Variants in PER3 observed in about 807,000 individuals in gnomAD.
PER3 encodes the protein period circadian protein homolog 3.
Under a neutral mutation model 127.2 loss-of-function variants are expected in PER3, and 107 were observed. The observed-to-expected ratio is 0.84, with a 90% CI of 0.72 to 0.99. The LOEUF (loss-of-function observed/expected upper bound fraction) is 0.99, where lower values mean the gene tolerates loss of function less well. Among genes scored for constraint, PER3 ranks in the 50% least tolerant of loss-of-function variants. The pLI is 0.00. For synonymous variants in PER3, 618 were observed against 585.8 expected, an observed-to-expected ratio of 1.05 and a Z score of -0.79; for missense variants, 1,560 against 1,525.8, an observed-to-expected ratio of 1.02 and a Z score of -0.37.
chr1:7,842,993 C>T lies in PER3; in HGVS notation c.*238C>T. 2 of 284,618 alleles carry T rather than the reference C, an allele frequency of 7.0e-6. No individual in the cohort carries two copies. Among genetic ancestry groups the T allele is most frequent in the Middle Eastern group, 1.1e-3 (1 of 904 alleles). The allele number at this position is 284,618 out of a possible 1,614,324, so 17.6% of individuals were successfully genotyped here. Reference sequence around the variant, plus strand: ...GCTCTTTTTGTAGTTGAATTGTCTTCTAAAGAGATTGGATGGCCTCTAAAG... The same window carrying T: ...GCTCTTTTTGTAGTTGAATTGTCTTTTAAAGAGATTGGATGGCCTCTAAAG... On this transcript the variant is annotated 3_prime_UTR_variant, in exon 22 of 22. Transcript: ENST00000377532.
rs2097211613 is a variant in PER3 at position 7,809,895 on chromosome 1, A to G, written c.1245A>G (p.Pro415=). 6.2e-7 allele frequency: 1 copy of G among 1,613,762 alleles called. No individual in the cohort carries two copies. Among genetic ancestry groups the G allele is most frequent in the Non-Finnish European group, 8.5e-7 (1 of 1,179,924 alleles). Residue 415 remains proline (P), a splice_region_variant and synonymous_variant, in exon 12 of 22, where the codon CCA becomes CCG. Transcript: ENST00000377532. ...QEQIYKLLLQ[P]VHVSVSSGYG... Reference sequence around the variant, plus strand: ...CTTGTTCCTCTTTGTCCTTCCAGCCAGTTCACGTGAGCGTGTCCAGCGGCT... The same window carrying G: ...CTTGTTCCTCTTTGTCCTTCCAGCCGGTTCACGTGAGCGTGTCCAGCGGCT...
intron 13 of PER3, among the ~76,000 whole-genome samples, chr1:7,814,265 TA>T (rs1246220651): frequency 6.6e-6 from 1 of 152,078 alleles, no homozygotes; most frequent in African/African-American, 2.4e-5. Context: ...TCAAGTAAGT[TA>T]AATACAGAAC....
intron 11 of PER3, among the ~76,000 whole-genome samples, chr1:7,809,558 ATAGT>A (rs1428194567): frequency 2.0e-5 from 3 of 152,182 alleles, no homozygotes; most frequent in Non-Finnish European, 2.9e-5. Flanking sequence ...AGTATAATAT[ATAGT>A]TAGTTTGTTC....
chr1:7,789,145 A>G (rs552827788), intron 5 of PER3, among the ~76,000 whole-genome samples: 7 of 150,276 alleles, frequency 4.7e-5, no homozygotes, highest in East Asian at 1.9e-4. Flanking sequence ...TTTAAAATAT[A>G]TATATATATA....
chr1:7,806,152 G>A (rs1310590980), intron 10 of PER3, among the ~76,000 whole-genome samples: 1 of 152,152 alleles, frequency 6.6e-6, no homozygotes, highest in East Asian at 1.9e-4. Context: ...ACTAGAGTTT[G>A]GTAAGTGTGA....
chr1:7,794,266 G>A (rs1009503350), intron 6 of PER3, among the ~76,000 whole-genome samples: 3 of 152,102 alleles, frequency 2.0e-5, no homozygotes, highest in African/African-American at 4.8e-5. Context: ...AGGCGGAGGC[G>A]GGCGGATCAC....
In PER3 at chr1:7,786,814, C is replaced by T; in HGVS notation, c.368C>T (p.Ser123Leu). ...CTTGAGGAGCTGGCCACTATCGCTT[C>T]AGAACACACTTCCAAAAACACAGTA... ...YSLEELATIA[S>L]EHTSKNTDTF... Residue 123 changes from serine (S) to leucine (L), a missense_variant, in exon 4 of 22, where the codon TCA (serine) becomes TTA (leucine). Physicochemically the swap from Ser to Leu is moderately radical, Grantham distance 145. Around this residue, in one of 3 missense-constraint regions of PER3, gnomAD observed 1,332 missense variants for 1,223.6 expected, o/e 1.09. Transcript: ENST00000377532. The T allele has an allele frequency of 6.2e-7, 1 of 1,601,508 alleles. No individual in the cohort carries two copies. The highest frequency in any genetic ancestry group is 2.2e-5 in the East Asian group (1 of 44,828).
chr1:7,791,194 G>A (rs1035832063), intron 5 of PER3, among the ~76,000 whole-genome samples: 2 of 148,790 alleles, frequency 1.3e-5, no homozygotes, highest in African/African-American at 4.8e-5. Context: ...TGAGGGCTCC[G>A]CCCCTGTAGC....
intron 8 of PER3, among the ~76,000 whole-genome samples, chr1:7,801,742 G>A (rs2097171629): frequency 6.6e-6 from 1 of 152,174 alleles, no homozygotes; most frequent in African/African-American, 2.4e-5. Context: ...GTGATAGTAG[G>A]TAGTAGTTAT....
Position 7,820,211 on chromosome 1 carries a change from C to G in PER3, c.1755C>G (p.His585Gln), listed in dbSNP as rs1165903122. The G allele has an allele frequency of 6.2e-7, 1 of 1,613,882 alleles. No individual in the cohort carries two copies. The highest frequency in any genetic ancestry group is 8.5e-7 in the Non-Finnish European group (1 of 1,179,798). ...SSSSEEDKQN[H>Q]KADDVQALQA... ...CCTCAGAAGAAGACAAACAGAACCACAAGGCAGATGATGTCCAAGCCTTAC... is the reference window on the plus strand; with the variant it reads ...CCTCAGAAGAAGACAAACAGAACCAGAAGGCAGATGATGTCCAAGCCTTAC... The change falls in exon 15 of 22, where the codon CAC becomes CAG. Residue 585 changes from histidine to glutamine, a missense_variant. Coordinates refer to ENST00000377532, the MANE Select transcript of PER3 (RefSeq NM_001377275.1).
chr1:7,841,072 T>C (rs1342140193), intron 21 of PER3, among the ~76,000 whole-genome samples: 1 of 152,224 alleles, frequency 6.6e-6, no homozygotes, highest in African/African-American at 2.4e-5. Context: ...AGAAGAAGAA[T>C]TGTCTTGGGC....
intron 9 of PER3, 86 bp from the exon 10 acceptor site, chr1:7,803,606 A>G (rs1466351015): frequency 9.1e-6 from 8 of 879,054 alleles, no homozygotes; most frequent in South Asian, 1.8e-5. Context: ...CCACTAAAAC[A>G]TTTACAAATA....
Position 7,842,785 on chromosome 1 carries a change from T to C in PER3, c.*30T>C. The C allele has an allele frequency of 6.2e-7, 1 of 1,600,210 alleles. No homozygotes were observed. The highest frequency in any genetic ancestry group is 8.5e-7 in the Non-Finnish European group (1 of 1,169,596). On this transcript the variant is annotated 3_prime_UTR_variant, in exon 22 of 22. Coordinates refer to ENST00000377532, the MANE Select transcript of PER3 (RefSeq NM_001377275.1). ...CTGTGAGGATGAACCTTCATACCCT[T>C]TCCAAGACGTGTTACACAGACAGAC...
At position 7,809,931 on chromosome 1, in the gene PER3, G is replaced by GGGGAGCAGCGGGTCGC; in HGVS notation, c.1282_1297dup (p.Gln433ArgfsTer17). On this transcript the variant is annotated frameshift_variant, in exon 12 of 22. Transcript: ENST00000377532. LOFTEE classifies it high-confidence loss of function. ...GCGTGTCCAGCGGCTACGGGAGCCT[G>GGGGAGCAGCGGGTCGC]GGGAGCAGCGGGTCGCAGGAGCAGC... The GGGGAGCAGCGGGTCGC allele has an allele frequency of 6.2e-7, 1 of 1,614,028 alleles. No individual in the cohort carries two copies. Among genetic ancestry groups the GGGGAGCAGCGGGTCGC allele is most frequent in the Non-Finnish European group, 8.5e-7 (1 of 1,179,930 alleles).
At position 7,786,328 on chromosome 1, in the gene PER3, A is replaced by G. The variant is rs952726274; in HGVS notation, c.275-393A>G. Among the ~76,000 whole-genome samples, 4 of 152,330 alleles carry G rather than the reference A, an allele frequency of 2.6e-5. No homozygotes were observed. The East Asian group carries it at 7.7e-4, about 29-fold the overall frequency. On this transcript the variant is annotated intron_variant, in intron 3 of 21. Coordinates refer to ENST00000377532, the MANE Select transcript of PER3 (RefSeq NM_001377275.1). The stretch of plus-strand genomic sequence containing the variant: ...CCAAACTAAAAATGAACCATTGTAA[A>G]CACTTTTTCTCTCTGACATTTCCAG...
In PER3 at chr1:7,788,077, T is replaced by G; in HGVS notation, c.423T>G (p.Ser141=). 1 of 1,613,646 alleles carries G rather than the reference T, an allele frequency of 6.2e-7. No homozygotes were observed. Among genetic ancestry groups the G allele is most frequent in the Non-Finnish European group, 8.5e-7 (1 of 1,179,530 alleles). Reference sequence around the variant, plus strand: ...TTGTGGCAGTATTTTCATTTCTGTCTGGAAGGTTAGTGCACATTTCTGAAC... The same window carrying G: ...TTGTGGCAGTATTTTCATTTCTGTCGGGAAGGTTAGTGCACATTTCTGAAC... ...DTFVAVFSFL[S]GRLVHISEQA... Residue 141 remains serine (S), a synonymous_variant, in exon 5 of 22, where the codon TCT becomes TCG. Coordinates refer to ENST00000377532, the MANE Select transcript of PER3 (RefSeq NM_001377275.1).
chr1:7,788,355 G>A, intron 5 of PER3, 109 bp downstream of exon 5: 1 of 765,604 alleles, frequency 1.3e-6, no homozygotes, highest in Admixed American at 2.7e-5. Flanking sequence ...ACACTATCTG[G>A]TTTTTCTTAT....
chr1:7,793,738 T>G (rs564760173), intron 5 of PER3, among the ~76,000 whole-genome samples: 1 of 152,242 alleles, frequency 6.6e-6, no homozygotes, highest in Non-Finnish European at 1.5e-5. Flanking sequence ...CTCACTGTTA[T>G]ACCTGAGGTT....
chr1:7,815,307 G>A (rs758924612), intron 13 of PER3, among the ~76,000 whole-genome samples: 53 of 152,154 alleles, frequency 3.5e-4, no homozygotes, highest in Non-Finnish European at 6.5e-4. Flanking sequence ...CAAATTGGAT[G>A]AAAAGATCCA....
Sources: gnomAD v4.1 joint callset for allele counts (sites outside exome capture counted in the v4.1 genomes callset) on GRCh38, gnomAD v4.1.1 for gene constraint, gnomAD v4.1.1 regional missense constraint, MANE v1.5 for transcripts, NCBI Gene and HGNC (gene_info 2026-07-23, HGNC 2026-07-21) for gene names.